The following DLGAP2 variants were observed in gnomAD, a reference collection of about 807,000 sequenced individuals.
DLGAP2 encodes the protein DLG associated protein 2, also known as disks large-associated protein 2.
Under a neutral mutation model 100.3 loss-of-function variants are expected in DLGAP2, and 26 were observed. The observed-to-expected ratio is 0.26, with a 90% CI of 0.19 to 0.36. The LOEUF (loss-of-function observed/expected upper bound fraction) is 0.36, where lower values mean the gene tolerates loss of function less well. Among genes scored for constraint, DLGAP2 ranks in the 10% least tolerant of loss-of-function variants. The probability of loss-of-function intolerance (pLI) is 1.00; values close to 1 mark genes in which losing one functional copy is unlikely to be tolerated. For synonymous variants in DLGAP2, 886 were observed against 630.1 expected (o/e 1.41, Z -6.08); for missense variants, 1,858 against 1,453.2 (o/e 1.28, Z -4.53).
chr8:837,948 T>C (rs1796912534), intron 1 of DLGAP2, among the ~76,000 whole-genome samples: 1 of 150,088 alleles, frequency 6.7e-6, no homozygotes, highest in Non-Finnish European at 1.5e-5. Flanking sequence ...TTGGCCAGGC[T>C]GCTCCTGAGC....
At chr8:1,098,486 C>T (rs1449765978) in intron 2 of DLGAP2, among the ~76,000 whole-genome samples, 1 of 152,104 alleles carries the variant, frequency 6.6e-6, no homozygotes, top group Non-Finnish European at 1.5e-5. Flanking sequence ...TTCCAAGGCA[C>T]GGAGCAGCTG....
At chr8:1,277,711 G>A (rs975766953) in intron 3 of DLGAP2, among the ~76,000 whole-genome samples, 5 of 152,112 alleles carry the variant, frequency 3.3e-5, no homozygotes, top group Non-Finnish European at 5.9e-5. Context: ...CAGCTGCACC[G>A]AGGTCGGGGC....
chr8:758,944 C>T (rs961778941), intron 1 of DLGAP2, among the ~76,000 whole-genome samples: 1 of 144,578 alleles, frequency 6.9e-6, no homozygotes, highest in Middle Eastern at 3.5e-3. Flanking sequence ...CTACCCTCCC[C>T]AACAGCCTTC....
intron 8 of DLGAP2, 58 bp downstream of exon 8, chr8:1,633,104 A>C (rs926922237): frequency 5.1e-6 from 8 of 1,568,178 alleles, no homozygotes; most frequent in Non-Finnish European, 7.0e-6. Context: ...ACCTGTCTTC[A>C]TCCTAGAAGG....
chr8:1,671,751 C>G (rs1331532437), intron 10 of DLGAP2, among the ~76,000 whole-genome samples: 1 of 152,250 alleles, frequency 6.6e-6, no homozygotes, highest in East Asian at 1.9e-4. Context: ...CCCTGTTCCT[C>G]AGATGTCTGG....
At chr8:1,637,163 T>C (rs1797786494) in intron 8 of DLGAP2, among the ~76,000 whole-genome samples, 1 of 152,140 alleles carries the variant, frequency 6.6e-6, no homozygotes, top group African/African-American at 2.4e-5. Flanking sequence ...ACCGGGCCCT[T>C]CACCCTCCTA....
At chr8:1,682,213 A>G (rs911106788) in intron 12 of DLGAP2, among the ~76,000 whole-genome samples, 11 of 152,174 alleles carry the variant, frequency 7.2e-5, no homozygotes, top group African/African-American at 2.7e-4. Context: ...GCGAAGACAG[A>G]GGCCAAGGTT....
At chr8:1,421,642 C>G (rs1380479744) in intron 3 of DLGAP2, among the ~76,000 whole-genome samples, 1 of 152,106 alleles carries the variant, frequency 6.6e-6, no homozygotes, top group East Asian at 1.9e-4. Context: ...TAGTGATGAT[C>G]AAGAAGCAAG....
chr8:1,625,434 G>A (rs1405219037), intron 6 of DLGAP2, among the ~76,000 whole-genome samples: 1 of 152,180 alleles, frequency 6.6e-6, no homozygotes, highest in East Asian at 1.9e-4. Context: ...AAAACGGCGA[G>A]AAGGAAGACC....
intron 5 of DLGAP2, among the ~76,000 whole-genome samples, chr8:1,550,358 G>T (rs1171624200): frequency 6.6e-6 from 1 of 152,182 alleles, no homozygotes; most frequent in African/African-American, 2.4e-5. Flanking sequence ...GCGTGAGTCT[G>T]GCCTGCTCTG....
chr8:1,495,919 C>T (rs138573949), intron 3 of DLGAP2, among the ~76,000 whole-genome samples: 6 of 152,274 alleles, frequency 3.9e-5, no homozygotes, highest in East Asian at 3.9e-4. Flanking sequence ...CAGCCTGTCC[C>T]GAGAGCCTCT....
At chr8:1,204,236 G>T (rs903455682) in intron 2 of DLGAP2, among the ~76,000 whole-genome samples, 1 of 152,236 alleles carries the variant, frequency 6.6e-6, no homozygotes, top group African/African-American at 2.4e-5. Flanking sequence ...TGTGCCCTGC[G>T]CTGTGTTAGA....
intron 3 of DLGAP2, among the ~76,000 whole-genome samples, chr8:1,352,219 G>A (rs147243504): frequency 1.6e-5 from 2 of 122,680 alleles, no homozygotes; most frequent in African/African-American, 6.1e-5. Context: ...TGGAAAGGCC[G>A]TGCGGGTCCT....
At position 1,633,014 on chromosome 8, in the gene DLGAP2, C is replaced by G; in HGVS notation, c.1778C>G (p.Ser593Cys). 2 of 1,614,002 alleles carry G rather than the reference C, an allele frequency of 1.2e-6. No individual in the cohort carries two copies. The highest frequency in any genetic ancestry group is 2.2e-5 in the East Asian group (1 of 44,864). Residue 593 changes from serine (S) to cysteine (C), a missense_variant, in exon 8 of 15, where the codon TCT (serine) becomes TGT (cysteine). Transcript: ENST00000637795. ...GAATGTATTCCCATGATGACACCCTCTGACATCACCTCCACCATCAGGTCA... is the reference window on the plus strand; with the variant it reads ...GAATGTATTCCCATGATGACACCCTGTGACATCACCTCCACCATCAGGTCA... ...DDECIPMMTP[S>C]DITSTIRSTA...
At chr8:1,494,119 C>T (rs1799475471) in intron 3 of DLGAP2, among the ~76,000 whole-genome samples, 1 of 152,214 alleles carries the variant, frequency 6.6e-6, no homozygotes, top group South Asian at 2.1e-4. Flanking sequence ...GGCCCACACA[C>T]AGTGGACGAA....
intron 3 of DLGAP2, among the ~76,000 whole-genome samples, chr8:1,495,836 A>G (rs1226711307): frequency 6.6e-6 from 1 of 152,190 alleles, no homozygotes. Flanking sequence ...GACTCAGCGC[A>G]TCTCTATGTT....
At chr8:1,352,291 AGC>A (rs565260735) in intron 3 of DLGAP2, among the ~76,000 whole-genome samples, 2 of 37,092 alleles carry the variant, frequency 5.4e-5, no homozygotes, top group Admixed American at 3.7e-4. Flanking sequence ...GCGGGTCCTG[AGC>A]GTGTGTGTGG....
chr8:1,579,320 C>T (rs1421885339), intron 6 of DLGAP2, among the ~76,000 whole-genome samples: 1 of 152,012 alleles, frequency 6.6e-6, no homozygotes, highest in Non-Finnish European at 1.5e-5. Flanking sequence ...TATACACACA[C>T]ATATATGTGT....
intron 3 of DLGAP2, among the ~76,000 whole-genome samples, chr8:1,309,597 T>A (rs1353072386): frequency 6.6e-6 from 1 of 152,164 alleles, no homozygotes. Context: ...ACCTTGCAGA[T>A]TGACATAAAA....
Sources: gnomAD v4.1 joint callset for allele counts (sites outside exome capture counted in the v4.1 genomes callset) on GRCh38, gnomAD v4.1.1 for gene constraint, MANE v1.5 for transcripts, NCBI Gene and HGNC (gene_info 2026-07-23, HGNC 2026-07-21) for gene names.